The following NIM1K variants were observed in gnomAD, a reference collection of about 807,000 sequenced individuals.
NIM1K encodes serine/threonine-protein kinase NIM1.
NIM1K carries 35 observed loss-of-function variants against 37.1 expected under a neutral mutation model. That is an observed-to-expected ratio of 0.94 (90% CI 0.72 to 1.25). NIM1K has a LOEUF of 1.25. Among genes scored for constraint, NIM1K ranks in the 50% most tolerant of loss-of-function variants. The probability of loss-of-function intolerance (pLI) is 0.00; values close to 1 mark genes in which losing one functional copy is unlikely to be tolerated. For missense variants in NIM1K, 564 were observed against 548.0 expected, an observed-to-expected ratio of 1.03 and a Z score of -0.29; for synonymous variants, 234 against 206.6, an observed-to-expected ratio of 1.13 and a Z score of -1.14.
At chr5:43,232,698 C>T (rs759928269) in intron 1 of NIM1K, 8 of 1,463,740 alleles carry the variant, frequency 5.5e-6, no homozygotes, top group Middle Eastern at 2.5e-4. Context: ...CGTAATCAAC[C>T]GGGAGTTGTT....
intron 2 of NIM1K, among the ~76,000 whole-genome samples, chr5:43,250,145 C>G (rs941743189): frequency 4.6e-5 from 7 of 152,098 alleles, no homozygotes; most frequent in East Asian, 1.9e-4. Flanking sequence ...AGCCACCGCG[C>G]CTGGCCGGAT....
chr5:43,267,083 C>T (rs1753173500), intron 2 of NIM1K, among the ~76,000 whole-genome samples: 1 of 152,130 alleles, frequency 6.6e-6, no homozygotes, highest in African/African-American at 2.4e-5. Flanking sequence ...TGGCCCTAGG[C>T]TTTTTTGTTG....
chr5:43,249,850 GT>G lies in NIM1K; in HGVS notation c.292+3803del, dbSNP rs70994677. Among the ~76,000 whole-genome samples the G allele has an allele frequency of 3.9e-3, 448 of 116,174 alleles. 3 individuals are homozygous for G. Among genetic ancestry groups the G allele is most frequent in the African/African-American group, 0.012 (366 of 30,592 alleles). The allele number at this position is 116,174 out of a possible 152,430, so 76.2% of individuals were successfully genotyped here. Reference sequence around the variant, plus strand: ...TAGTTGACATTTTATGTATGGATTAGTTTTTTTTTTTTTTTTTTTTGAGATG... The same window carrying G: ...TAGTTGACATTTTATGTATGGATTAGTTTTTTTTTTTTTTTTTTTGAGATG... On this transcript the variant is annotated intron_variant, in intron 2 of 3. Transcript: ENST00000326035.
At chr5:43,261,933 A>G (rs1203095282) in intron 2 of NIM1K, among the ~76,000 whole-genome samples, 1 of 152,088 alleles carries the variant, frequency 6.6e-6, no homozygotes, top group African/African-American at 2.4e-5. Flanking sequence ...GTGTGGTATT[A>G]TTTCAGAGGG....
chr5:43,231,250 G>A (rs1752533994), intron 1 of NIM1K, among the ~76,000 whole-genome samples: 1 of 152,218 alleles, frequency 6.6e-6, no homozygotes, highest in Non-Finnish European at 1.5e-5. Flanking sequence ...CCAGGAGATC[G>A]AGGCTGCAGT....
intron 1 of NIM1K, among the ~76,000 whole-genome samples, chr5:43,194,386 G>A (rs1326621659): frequency 6.6e-6 from 1 of 152,154 alleles, no homozygotes; most frequent in Non-Finnish European, 1.5e-5. Context: ...CTGTTAAATG[G>A]TAAGCCTGGA....
intron 1 of NIM1K, among the ~76,000 whole-genome samples, chr5:43,218,291 G>A (rs1038673093): frequency 8.5e-5 from 13 of 152,266 alleles, no homozygotes; most frequent in African/African-American, 2.4e-5. Context: ...GATTACAGGC[G>A]TGAGCCACCG....
chr5:43,231,010 C>T (rs1336232319), intron 1 of NIM1K, among the ~76,000 whole-genome samples: 1 of 152,310 alleles, frequency 6.6e-6, no homozygotes, highest in Non-Finnish European at 1.5e-5. Context: ...GCACTTTACA[C>T]TAATCAAAAA....
In NIM1K at chr5:43,277,314, G is replaced by T. The variant is rs200635519; in HGVS notation, c.550G>T (p.Val184Leu). 6.2e-7 allele frequency: 1 copy of T among 1,613,768 alleles called. No individual in the cohort carries two copies. Among genetic ancestry groups the T allele is most frequent in the South Asian group, 1.1e-5 (1 of 91,008 alleles). ...KLIFSQIVSA[V>L]KHMHENQIIH... ...CATCTTCTCCCAGATTGTGTCTGCC[G>T]TGAAGCACATGGTGAGCAGGGGTGA... The change falls in exon 3 of 4, where the codon GTG becomes TTG. Residue 184 changes from valine to leucine, a missense_variant. Transcript: ENST00000326035.
At chr5:43,212,945 T>C (rs1752224473) in intron 1 of NIM1K, among the ~76,000 whole-genome samples, 1 of 152,204 alleles carries the variant, frequency 6.6e-6, no homozygotes, top group Non-Finnish European at 1.5e-5. Context: ...TTCCCCTCTG[T>C]GTTCGCCCAG....
intron 1 of NIM1K, among the ~76,000 whole-genome samples, chr5:43,229,408 T>A (rs953508747): frequency 6.9e-6 from 1 of 145,948 alleles, no homozygotes; most frequent in African/African-American, 2.5e-5. Context: ...AAAAAAAGAT[T>A]CTTTAATTTA....
rs553120619 is a variant in NIM1K at position 43,224,151 on chromosome 5, C to T, written c.-694-20931C>T. Among the ~76,000 whole-genome samples, 22 of 152,010 alleles carry T rather than the reference C, an allele frequency of 1.4e-4. No homozygotes were observed. In the South Asian group the frequency reaches 1.5e-3, roughly 10 times the overall value. On this transcript the variant is annotated intron_variant, in intron 1 of 3. Transcript: ENST00000326035. ...CTCCTGGGCTCAAGCTATCCTCCCCCCTCTTGCCTCCCTGAGAGCTGGGAT... is the reference window on the plus strand; with the variant it reads ...CTCCTGGGCTCAAGCTATCCTCCCCTCTCTTGCCTCCCTGAGAGCTGGGAT...
chr5:43,204,970 TA>T (rs1752087574), intron 1 of NIM1K, among the ~76,000 whole-genome samples: 1 of 152,112 alleles, frequency 6.6e-6, no homozygotes, highest in East Asian at 1.9e-4. Flanking sequence ...AACTCCAGCC[TA>T]GGTGACAGAG....
At chr5:43,223,529 C>T (rs1232566003) in intron 1 of NIM1K, among the ~76,000 whole-genome samples, 1 of 152,228 alleles carries the variant, frequency 6.6e-6, no homozygotes, top group Non-Finnish European at 1.5e-5. Context: ...CATTGCCTTA[C>T]TACCTAGACA....
chr5:43,217,720 T>G (rs1447997337), intron 1 of NIM1K, among the ~76,000 whole-genome samples: 5 of 147,588 alleles, frequency 3.4e-5, no homozygotes, highest in Non-Finnish European at 1.5e-5. Flanking sequence ...TTTTTTTTTT[T>G]TTTTTTTTTT....
intron 2 of NIM1K, among the ~76,000 whole-genome samples, chr5:43,273,497 T>C (rs901857961): frequency 1.3e-5 from 2 of 152,092 alleles, no homozygotes; most frequent in African/African-American, 2.4e-5. Context: ...GTGTGAGGCA[T>C]CACACCCGGC....
intron 1 of NIM1K, among the ~76,000 whole-genome samples, chr5:43,214,737 A>C (rs923541439): frequency 2.1e-5 from 3 of 146,232 alleles, no homozygotes; most frequent in Non-Finnish European, 3.0e-5. Flanking sequence ...AATGGCGTGA[A>C]CCCAGGAGGC....
At chr5:43,236,161 G>C (rs910653293) in intron 1 of NIM1K, among the ~76,000 whole-genome samples, 1 of 151,956 alleles carries the variant, frequency 6.6e-6, no homozygotes, top group Non-Finnish European at 1.5e-5. Context: ...AGCTACTCAG[G>C]AGGCTGAGGT....
intron 2 of NIM1K, among the ~76,000 whole-genome samples, chr5:43,276,569 G>C (rs1404639175): frequency 6.6e-6 from 1 of 152,242 alleles, no homozygotes; most frequent in Non-Finnish European, 1.5e-5. Context: ...ATATTGATGA[G>C]TGAAAGCAAG....
Sources: allele counts gnomAD v4.1 joint callset (sites outside exome capture counted in the v4.1 genomes callset), GRCh38; gene constraint gnomAD v4.1.1; transcripts MANE v1.5; gene names NCBI Gene and HGNC (gene_info 2026-07-23, HGNC 2026-07-21).